The following MAST4 variants were observed in gnomAD, a reference collection of about 807,000 sequenced individuals.
The protein encoded by MAST4 is microtubule associated serine/threonine kinase family member 4, also known as microtubule-associated serine/threonine-protein kinase 4.
Under a neutral mutation model 162.7 loss-of-function variants are expected in MAST4, and 89 were observed. The ratio of observed to expected loss-of-function variants is 0.55; its 90% CI spans 0.46 to 0.65. MAST4 has a LOEUF of 0.65. Ranked by LOEUF, MAST4 falls within the 30% of genes least tolerant of loss-of-function variation. MAST4 has a pLI of 0.00. For missense variants in MAST4, 3,153 were observed against 3,374.0 expected (o/e 0.93, Z 1.62); for synonymous variants, 1,479 against 1,361.1 (o/e 1.09, Z -1.91).
At chr5:66,708,722 C>T (rs1418751277) in intron 1 of MAST4, among the ~76,000 whole-genome samples, 5 of 152,100 alleles carry the variant, frequency 3.3e-5, no homozygotes, top group Admixed American at 6.6e-5. Context: ...GTTGCAAACC[C>T]GTTTAGTAGC....
Position 66,866,570 on chromosome 5 carries a change from G to A in MAST4, c.643-33381G>A, listed in dbSNP as rs79225511. Reference sequence around the variant, plus strand: ...TATAATCCTGTATGGCTTTACTTACGTTCAGGGATCTCTTTAATAGTGCCT... The same window carrying A: ...TATAATCCTGTATGGCTTTACTTACATTCAGGGATCTCTTTAATAGTGCCT... On this transcript the variant is annotated intron_variant, in intron 3 of 28. Coordinates refer to ENST00000403625, the MANE Select transcript of MAST4 (RefSeq NM_001164664.2). Among the ~76,000 whole-genome samples the A allele has an allele frequency of 7.9e-3, 1,198 of 152,142 alleles. 30 individuals carry two copies. Among genetic ancestry groups the A allele is most frequent in the East Asian group, 0.063 (327 of 5,174 alleles).
chr5:67,163,208 C>T lies in MAST4; in HGVS notation c.4029C>T (p.Ser1343=), dbSNP rs772111544. ...SSSAPNSPAG[S]GHIRPSTLHG... is the part of the protein sequence containing the mutation. ...GTGCCCCCAATTCCCCAGCAGGGTC[C>T]GGGCACATCCGGCCCAGCACTCTCC... Residue 1343 remains serine (S), a synonymous_variant, in exon 29 of 29, where the codon TCC becomes TCT. Transcript: ENST00000403625. The surrounding 1 kb of genome is among the most constrained non-coding windows in gnomAD (Gnocchi z 7.0). The T allele has an allele frequency of 4.9e-5, 79 of 1,613,712 alleles. No individual in the cohort carries two copies. The highest frequency in any genetic ancestry group is 5.1e-5 in the Non-Finnish European group (60 of 1,179,820).
intron 4 of MAST4, among the ~76,000 whole-genome samples, chr5:66,970,309 A>G (rs1467549533): frequency 6.6e-6 from 1 of 152,232 alleles, no homozygotes; most frequent in Non-Finnish European, 1.5e-5. Flanking sequence ...TCAAGTGGGT[A>G]GCAGTAATGG....
intron 2 of MAST4, among the ~76,000 whole-genome samples, chr5:66,760,575 C>T (rs1414910980): frequency 1.3e-5 from 2 of 152,152 alleles, no homozygotes; most frequent in East Asian, 3.8e-4. Context: ...CCTAGGCAGC[C>T]ATAGATCTGC....
chr5:66,818,108 G>A (rs183015537), intron 3 of MAST4, among the ~76,000 whole-genome samples: 2 of 152,134 alleles, frequency 1.3e-5, no homozygotes, highest in African/African-American at 2.4e-5. Flanking sequence ...ATACATAAGA[G>A]TGCATGTACA....
rs377499136 is a variant in MAST4 at position 66,796,813 on chromosome 5, G to A, written c.642+8019G>A. Among the ~76,000 whole-genome samples, 7 of 152,270 alleles carry A rather than the reference G, an allele frequency of 4.6e-5. No individual in the cohort carries two copies. The East Asian group carries it at 5.8e-4, about 13-fold the overall frequency. On this transcript the variant is annotated intron_variant, in intron 3 of 28. Transcript: ENST00000403625. ...GTATGAAGAGATGATCCATAGGGTGGTAAATGCCTGCACCTAGCTGTCCTA... is the reference window on the plus strand; with the variant it reads ...GTATGAAGAGATGATCCATAGGGTGATAAATGCCTGCACCTAGCTGTCCTA...
intron 1 of MAST4, among the ~76,000 whole-genome samples, chr5:66,619,303 G>A (rs1561217182): frequency 6.6e-6 from 1 of 152,100 alleles, no homozygotes; most frequent in African/African-American, 2.4e-5. Flanking sequence ...GTAGGGACTT[G>A]GTGAGTGAGA....
rs149900058 is a variant in MAST4, at chr5:66,726,341, A to G, written c.364-33368A>G. On this transcript the variant is annotated intron_variant, in intron 1 of 28. Coordinates refer to ENST00000403625, the MANE Select transcript of MAST4 (RefSeq NM_001164664.2). Reference sequence around the variant, plus strand: ...GAGGCCAAAGTAGATTCACTTAACCACATTCCAAGGTTCCAGCAAGCCTCT... The same window carrying G: ...GAGGCCAAAGTAGATTCACTTAACCGCATTCCAAGGTTCCAGCAAGCCTCT... 8.2e-4 allele frequency among the ~76,000 whole-genome samples: 125 copies of G among 152,262 alleles called. 1 individual carries two copies. The highest frequency in any genetic ancestry group is 2.9e-3 in the African/African-American group (120 of 41,544).
In MAST4 at chr5:67,149,467, C is replaced by T. The variant is rs1466101366; in HGVS notation, c.3173C>T (p.Pro1058Leu). ...CVDSTDNSSK[P>L]SSEPASHMAR... Reference sequence around the variant, plus strand: ...GACAGTACAGATAATTCCTCAAAGCCATCCAGTGAACCCGCTTCTCACATG... The same window carrying T: ...GACAGTACAGATAATTCCTCAAAGCTATCCAGTGAACCCGCTTCTCACATG... Residue 1058 changes from proline to leucine, a missense_variant, in exon 24 of 29, where the codon CCA (proline) becomes CTA (leucine). By Grantham distance (98) the Pro-to-Leu change is moderately conservative. This residue lies in a region of MAST4 where 619 missense variants were observed against 744.2 expected (regional missense o/e 0.83). Transcript: ENST00000403625. 12 of 1,613,584 alleles carry T rather than the reference C, an allele frequency of 7.4e-6. No homozygotes were observed. Among genetic ancestry groups the T allele is most frequent in the Non-Finnish European group, 1.0e-5 (12 of 1,179,806 alleles).
intron 3 of MAST4, among the ~76,000 whole-genome samples, chr5:66,831,015 GCA>G (rs1372409448): frequency 1.3e-5 from 2 of 152,230 alleles, no homozygotes; most frequent in African/African-American, 4.8e-5. Context: ...TCTGTAAAAT[GCA>G]TACTGTAATA....
intron 4 of MAST4, among the ~76,000 whole-genome samples, chr5:66,909,037 C>T (rs1474322764): frequency 6.6e-6 from 1 of 152,196 alleles, no homozygotes; most frequent in Non-Finnish European, 1.5e-5. Flanking sequence ...CCTTCTTTCT[C>T]TCCCCCCAGA....
intron 3 of MAST4, among the ~76,000 whole-genome samples, chr5:66,809,140 A>G (rs1017855629): frequency 1.3e-5 from 2 of 152,180 alleles, no homozygotes; most frequent in African/African-American, 4.8e-5. Flanking sequence ...TTCTCTACAT[A>G]GTTTGAAACA....
chr5:67,033,632 T>A (rs1755656966), intron 4 of MAST4, among the ~76,000 whole-genome samples: 1 of 152,164 alleles, frequency 6.6e-6, no homozygotes, highest in African/African-American at 2.4e-5. Flanking sequence ...TGAATTTTGT[T>A]ACATTACAGT....
At chr5:66,790,370 A>G (rs997623745) in intron 3 of MAST4, among the ~76,000 whole-genome samples, 14 of 152,168 alleles carry the variant, frequency 9.2e-5, no homozygotes, top group African/African-American at 1.2e-4. Flanking sequence ...TAAACAGTCT[A>G]TAAAGTCCCT....
chr5:67,069,591 G>A (rs543152716), intron 5 of MAST4, among the ~76,000 whole-genome samples: 28 of 152,194 alleles, frequency 1.8e-4, no homozygotes, highest in Non-Finnish European at 3.8e-4. Flanking sequence ...TATGCACTCC[G>A]CATTTCATCA....
At chr5:66,876,493 G>A (rs531699904) in intron 3 of MAST4, among the ~76,000 whole-genome samples, 2 of 152,240 alleles carry the variant, frequency 1.3e-5, no homozygotes, top group South Asian at 2.1e-4. Context: ...CTGCAGCTCC[G>A]AGGTCATGTG....
intron 1 of MAST4, among the ~76,000 whole-genome samples, chr5:66,717,492 A>G (rs1209383563): frequency 6.6e-6 from 1 of 152,176 alleles, no homozygotes; most frequent in Non-Finnish European, 1.5e-5. Context: ...ACCATATCCA[A>G]TGTATTAATT....
intron 4 of MAST4, among the ~76,000 whole-genome samples, chr5:67,039,208 T>TA (rs1368217916): frequency 1.3e-5 from 2 of 152,212 alleles, no homozygotes; most frequent in Non-Finnish European, 2.9e-5. Flanking sequence ...TCTTTCATAG[T>TA]ACCGTTGATT....
Position 67,033,174 on chromosome 5 carries a change from T to TAAA in MAST4, c.675-21220_675-21218dup, listed in dbSNP as rs1278993482. Among the ~76,000 whole-genome samples the TAAA allele has an allele frequency of 3.5e-5, 5 of 142,418 alleles. No homozygotes were observed. The Admixed American group carries it at 3.5e-4, about 10-fold the overall frequency. 93.4% of individuals were successfully genotyped at this position (142,418 alleles called of 152,430 possible). A position where few individuals can be genotyped will look rare whatever the true frequency, so the allele number is the denominator to read the frequency against. ...GTTCTTACTGTGAACATCTAACCCT[T>TAAA]AAAAAAAAAAAAGAAAGAAAAACAC... On this transcript the variant is annotated intron_variant, in intron 4 of 28. Coordinates refer to ENST00000403625, the MANE Select transcript of MAST4 (RefSeq NM_001164664.2).
Sources: gnomAD v4.1 joint callset for allele counts (sites outside exome capture counted in the v4.1 genomes callset) on GRCh38, gnomAD v4.1.1 for gene constraint, gnomAD v4.1.1 regional missense constraint, Gnocchi (gnomAD v3.1) non-coding constraint, MANE v1.5 for transcripts, NCBI Gene and HGNC (gene_info 2026-07-23, HGNC 2026-07-21) for gene names.